Variants in DIAPH3 observed in about 807,000 individuals in gnomAD.
DIAPH3 encodes the protein protein diaphanous homolog 3.
DIAPH3 carries 117 observed loss-of-function variants against 144.3 expected under a neutral mutation model. That is an observed-to-expected ratio of 0.81 (90% CI 0.70 to 0.95). The LOEUF (loss-of-function observed/expected upper bound fraction) is 0.95. Among genes scored for constraint, DIAPH3 ranks in the 40% least tolerant of loss-of-function variants. The probability of loss-of-function intolerance (pLI) is 0.00; values close to 1 mark genes in which losing one functional copy is unlikely to be tolerated. For missense variants in DIAPH3, 1,421 were observed against 1,412.7 expected, an observed-to-expected ratio of 1.01 and a Z score of -0.09; for synonymous variants, 519 against 488.9, an observed-to-expected ratio of 1.06 and a Z score of -0.81.
At chr13:60,070,352 C>G (rs908692449) in intron 4 of DIAPH3, among the ~76,000 whole-genome samples, 2 of 149,284 alleles carry the variant, frequency 1.3e-5, no homozygotes, top group African/African-American at 4.9e-5. Flanking sequence ...TTGCTAGCAG[C>G]TCTTTGTAAA....
intron 27 of DIAPH3, among the ~76,000 whole-genome samples, chr13:59,687,512 G>A (rs1404492658): frequency 6.6e-6 from 1 of 151,958 alleles, no homozygotes; most frequent in African/African-American, 2.4e-5. Flanking sequence ...TCATATTTTG[G>A]AATTTATAGG....
chr13:59,816,488 CTT>C (rs947903660), intron 24 of DIAPH3, among the ~76,000 whole-genome samples: 39 of 151,392 alleles, frequency 2.6e-4, no homozygotes, highest in South Asian at 8.4e-4. Flanking sequence ...AGTTATGTTC[CTT>C]TTTATATCCT....
intron 9 of DIAPH3, among the ~76,000 whole-genome samples, chr13:59,997,314 G>C (rs990259212): frequency 6.6e-6 from 1 of 151,968 alleles, no homozygotes; most frequent in South Asian, 2.1e-4. Flanking sequence ...TTGTCTCTCT[G>C]TGCTTAGCTG....
intron 4 of DIAPH3, among the ~76,000 whole-genome samples, chr13:60,077,894 C>T (rs1396304179): frequency 1.3e-5 from 2 of 152,092 alleles, no homozygotes; most frequent in Non-Finnish European, 2.9e-5. Flanking sequence ...TATCATTTGG[C>T]TTCCTGTGTA....
At chr13:59,847,674 A>C (rs1028304077) in intron 22 of DIAPH3, among the ~76,000 whole-genome samples, 35 of 152,326 alleles carry the variant, frequency 2.3e-4, no homozygotes, top group African/African-American at 7.0e-4. Flanking sequence ...GTACATGTAC[A>C]TGGGAGGGCA....
intron 21 of DIAPH3, among the ~76,000 whole-genome samples, chr13:59,865,234 T>G (rs2043847664): frequency 1.3e-5 from 2 of 151,998 alleles, no homozygotes. Flanking sequence ...GCTCAATATT[T>G]TTTTCATTTC....
In DIAPH3 at chr13:60,052,959, T is replaced by TAAAAAAAAAAAAA. The variant is rs559991017; in HGVS notation, c.496-10152_496-10140dup. ...CTGGTGACAGAGCCAGACTCCCTCTTAAAAAAAAAAAAAAAAAAAAAGAAA... is the reference window on the plus strand; with the variant it reads ...CTGGTGACAGAGCCAGACTCCCTCTTAAAAAAAAAAAAAAAAAAAAAAAAAAAAAAAAAAGAAA... On this transcript the variant is annotated intron_variant, in intron 4 of 27. Transcript: ENST00000400324. Among the ~76,000 whole-genome samples the TAAAAAAAAAAAAA allele has an allele frequency of 8.5e-3, 345 of 40,582 alleles. 57 individuals are homozygous for TAAAAAAAAAAAAA. The highest frequency in any genetic ancestry group is 0.033 in the African/African-American group (229 of 6,846). 26.6% of individuals were successfully genotyped at this position (40,582 alleles called of 152,430 possible).
At position 59,841,507 on chromosome 13, in the gene DIAPH3, T is replaced by C. The variant is rs564299286; in HGVS notation, c.2738-2059A>G. 7.2e-5 allele frequency among the ~76,000 whole-genome samples: 11 copies of C among 151,762 alleles called. No homozygotes were observed. The East Asian group carries it at 1.7e-3, about 24-fold the overall frequency. On this transcript the variant is annotated intron_variant, in intron 22 of 27. Coordinates refer to ENST00000400324, the MANE Select transcript of DIAPH3 (RefSeq NM_001042517.2). ...TAATATGGAGGCTGAGGTGGGAAAA[T>C]TGCTTGATCCCAGAAGTTTGAAGCT...
intron 27 of DIAPH3, among the ~76,000 whole-genome samples, chr13:59,773,271 A>G (rs973976494): frequency 2.0e-5 from 3 of 152,172 alleles, no homozygotes; most frequent in Non-Finnish European, 4.4e-5. Flanking sequence ...CACACCTATT[A>G]AAAGATAATT....
At chr13:59,895,236 C>T (rs2046017744) in intron 20 of DIAPH3, among the ~76,000 whole-genome samples, 1 of 151,894 alleles carries the variant, frequency 6.6e-6, no homozygotes, top group Non-Finnish European at 1.5e-5. Context: ...AGTGGTGATG[C>T]TGGTGGCATA....
At chr13:59,794,262 G>A (rs1410324804) in intron 25 of DIAPH3, among the ~76,000 whole-genome samples, 1 of 152,116 alleles carries the variant, frequency 6.6e-6, no homozygotes, top group Non-Finnish European at 1.5e-5. Flanking sequence ...AAAAGTTGAG[G>A]TGCATCTGTA....
chr13:60,083,886 A>G (rs2057649843), intron 4 of DIAPH3, among the ~76,000 whole-genome samples: 1 of 151,348 alleles, frequency 6.6e-6, no homozygotes, highest in African/African-American at 2.4e-5. Flanking sequence ...TGGGTGACAG[A>G]GCAAGACCCT....
intron 5 of DIAPH3, among the ~76,000 whole-genome samples, chr13:60,042,110 G>A (rs1216862184): frequency 1.3e-5 from 2 of 151,900 alleles, no homozygotes; most frequent in Non-Finnish European, 2.9e-5. Flanking sequence ...CCAAAAATTA[G>A]CCCCATTCCA....
chr13:60,120,337 A>G (rs1188523786), intron 2 of DIAPH3, among the ~76,000 whole-genome samples: 3 of 152,192 alleles, frequency 2.0e-5, no homozygotes, highest in Admixed American at 6.5e-5. Context: ...GTTTTAGGCC[A>G]TAGACTTAAC....
intron 27 of DIAPH3, among the ~76,000 whole-genome samples, chr13:59,693,739 T>A (rs989423150): frequency 6.6e-6 from 1 of 152,184 alleles, no homozygotes; most frequent in Admixed American, 6.5e-5. Context: ...AATGATATGA[T>A]AAATTTGAGT....
chr13:59,847,054 G>A (rs930851538), intron 22 of DIAPH3, among the ~76,000 whole-genome samples: 1 of 152,132 alleles, frequency 6.6e-6, no homozygotes, highest in African/African-American at 2.4e-5. Flanking sequence ...ACTCCAACCT[G>A]GGCGACAGAG....
chr13:59,692,047 A>G (rs545688346), intron 27 of DIAPH3, among the ~76,000 whole-genome samples: 1 of 149,228 alleles, frequency 6.7e-6, no homozygotes, highest in Admixed American at 6.7e-5. Flanking sequence ...AGTTCACAGT[A>G]TTCTCTGTTC....
chr13:60,110,508 G>A (rs1451746315), intron 3 of DIAPH3, among the ~76,000 whole-genome samples: 1 of 152,078 alleles, frequency 6.6e-6, no homozygotes, highest in African/African-American at 2.4e-5. Context: ...TTTAAAGAAG[G>A]CAACAACACC....
At chr13:59,721,192 A>C (rs1278501018) in intron 27 of DIAPH3, among the ~76,000 whole-genome samples, 1 of 152,178 alleles carries the variant, frequency 6.6e-6, no homozygotes, top group Non-Finnish European at 1.5e-5. Flanking sequence ...TCTTCCCAAA[A>C]TGGATTGTTA....
Sources: allele counts gnomAD v4.1 joint callset (sites outside exome capture counted in the v4.1 genomes callset), GRCh38; gene constraint gnomAD v4.1.1; transcripts MANE v1.5; gene names NCBI Gene and HGNC (gene_info 2026-07-23, HGNC 2026-07-21).